The following NAALADL2 variants were observed in gnomAD, a reference collection of about 807,000 sequenced individuals.
The protein encoded by NAALADL2 is N-acetylated alpha-linked acidic dipeptidase like 2.
A neutral mutation model predicts 87.2 loss-of-function variants in NAALADL2; 76 were observed. The observed-to-expected ratio is 0.87, with a 90% confidence interval of 0.72 to 1.05. NAALADL2 has a LOEUF of 1.05. Ranked by LOEUF, NAALADL2 falls within the 50% of genes least tolerant of loss-of-function variation. The pLI, the probability that NAALADL2 is intolerant of heterozygous loss-of-function variation, is 0.00. For synonymous variants in NAALADL2, 354 were observed against 331.0 expected (o/e 1.07, Z -0.75); for missense variants, 1,089 against 945.8 (o/e 1.15, Z -1.99).
intron 10 of NAALADL2, among the ~76,000 whole-genome samples, chr3:175,603,994 A>G (rs1723317727): frequency 1.3e-5 from 2 of 152,278 alleles, no homozygotes; most frequent in Admixed American, 6.5e-5. Flanking sequence ...TCCTGAAAGA[A>G]AAACAACAAC....
intron 1 of NAALADL2, among the ~76,000 whole-genome samples, chr3:174,878,582 G>A (rs1227197299): frequency 6.6e-6 from 1 of 151,976 alleles, no homozygotes; most frequent in Admixed American, 6.6e-5. Flanking sequence ...TATGATTGTT[G>A]TTTAATCCAT....
At chr3:174,701,038 C>G (rs1729501599) in intron 2 of NAALADL2, among the ~76,000 whole-genome samples, 1 of 151,990 alleles carries the variant, frequency 6.6e-6, no homozygotes, top group Non-Finnish European at 1.5e-5. Context: ...AGGGAGATTT[C>G]AAAACCTTAG....
intron 1 of NAALADL2, among the ~76,000 whole-genome samples, chr3:174,930,621 T>TG (rs1174245430): frequency 7.5e-5 from 9 of 120,786 alleles, no homozygotes; most frequent in Non-Finnish European, 1.5e-4. Flanking sequence ...GAACTTTTTT[T>TG]TTTTTTTTTT....
chr3:174,822,763 T>C (rs116374930), intron 3 of NAALADL2, among the ~76,000 whole-genome samples: 15,143 of 152,186 alleles, frequency 0.1, 835 homozygotes, highest in Middle Eastern at 0.13. Context: ...TCAACCAGAA[T>C]GCAACTATGG....
intron 1 of NAALADL2, among the ~76,000 whole-genome samples, chr3:174,962,438 T>TATATG (rs1440601115): frequency 7.6e-6 from 1 of 131,384 alleles, no homozygotes; most frequent in Non-Finnish European, 1.6e-5. Flanking sequence ...TATATGTATA[T>TATATG]TTTTAAGTCT....
chr3:175,112,176 T>C lies in NAALADL2; in HGVS notation c.545+14885T>C, dbSNP rs565983266. Among the ~76,000 whole-genome samples, 18 of 151,742 alleles carry C rather than the reference T, an allele frequency of 1.2e-4. No individual in the cohort carries two copies. The South Asian group carries it at 3.3e-3, about 28-fold the overall frequency. On this transcript the variant is annotated intron_variant, in intron 2 of 13. Transcript: ENST00000454872. ...GCCATTCTCCATTGGTGATTCCTCA[T>C]TGACCACCATCCTTAGTAGATGTGC... is the stretch of plus-strand genomic sequence containing the variant.
chr3:175,356,512 C>A (rs6768362), intron 5 of NAALADL2, among the ~76,000 whole-genome samples: 80,309 of 150,400 alleles, frequency 0.53, 22,492 homozygotes, highest in East Asian at 0.67. Flanking sequence ...GAGGTTGAGG[C>A]TACACTGAGC....
At chr3:174,695,428 T>C (rs1167295025) in intron 2 of NAALADL2, among the ~76,000 whole-genome samples, 1 of 151,982 alleles carries the variant, frequency 6.6e-6, no homozygotes, top group Admixed American at 6.6e-5. Context: ...ATTTTTGATA[T>C]AACCAGTAAC....
At chr3:174,742,520 T>C (rs1733859339) in intron 3 of NAALADL2, among the ~76,000 whole-genome samples, 1 of 151,630 alleles carries the variant, frequency 6.6e-6, no homozygotes, top group Non-Finnish European at 1.5e-5. Context: ...ATATAATAAA[T>C]AATCATATGC....
At chr3:175,561,641 C>A (rs890107351) in intron 9 of NAALADL2, among the ~76,000 whole-genome samples, 4 of 152,050 alleles carry the variant, frequency 2.6e-5, no homozygotes, top group Non-Finnish European at 5.9e-5. Flanking sequence ...TAGAATTGGT[C>A]CATTATATCC....
chr3:175,513,023 A>G (rs1376796392), intron 9 of NAALADL2, among the ~76,000 whole-genome samples: 1 of 152,186 alleles, frequency 6.6e-6, no homozygotes, highest in Non-Finnish European at 1.5e-5. Context: ...TAAAATATAC[A>G]TGCAGTTATT....
chr3:175,372,173 G>T (rs770513827), intron 5 of NAALADL2, among the ~76,000 whole-genome samples: 4 of 152,166 alleles, frequency 2.6e-5, no homozygotes, highest in Non-Finnish European at 5.9e-5. Context: ...TTACTGAACT[G>T]CTAGTACAGG....
intron 2 of NAALADL2, among the ~76,000 whole-genome samples, chr3:174,665,448 G>A (rs903257759): frequency 6.6e-6 from 1 of 152,070 alleles, no homozygotes; most frequent in South Asian, 2.1e-4. Flanking sequence ...ATTATTTGTA[G>A]TGCTGTTATC....
chr3:175,209,818 A>G (rs1431426721), intron 2 of NAALADL2, among the ~76,000 whole-genome samples: 2 of 151,808 alleles, frequency 1.3e-5, no homozygotes, highest in Non-Finnish European at 2.9e-5. Flanking sequence ...AATATCATCA[A>G]TGTGAAGAGC....
chr3:175,381,858 G>A (rs1363327078), intron 5 of NAALADL2, among the ~76,000 whole-genome samples: 1 of 152,164 alleles, frequency 6.6e-6, no homozygotes, highest in African/African-American at 2.4e-5. Flanking sequence ...GCCATAGGTA[G>A]TGGCAGCAGC....
chr3:175,556,807 C>T (rs1399252621), intron 9 of NAALADL2, among the ~76,000 whole-genome samples: 1 of 152,052 alleles, frequency 6.6e-6, no homozygotes, highest in African/African-American at 2.4e-5. Context: ...TCTCTTATCC[C>T]TTATTTATTG....
chr3:174,580,528 C>T (rs1716049734), intron 2 of NAALADL2, among the ~76,000 whole-genome samples: 1 of 152,004 alleles, frequency 6.6e-6, no homozygotes, highest in Non-Finnish European at 1.5e-5. Flanking sequence ...ATGTTCATAA[C>T]TCCTTTTAAT....
At chr3:174,787,620 T>TATAC (rs1489900205) in intron 3 of NAALADL2, among the ~76,000 whole-genome samples, 18 of 117,442 alleles carry the variant, frequency 1.5e-4, no homozygotes, top group East Asian at 5.1e-4. Flanking sequence ...TATATATATA[T>TATAC]AGTAGTGACT....
intron 1 of NAALADL2, among the ~76,000 whole-genome samples, chr3:175,006,386 T>A (rs1024233768): frequency 6.6e-6 from 1 of 152,194 alleles, no homozygotes; most frequent in African/African-American, 2.4e-5. Context: ...TGTCTTACCA[T>A]ACCCAGAACT....
Sources: allele counts gnomAD v4.1 joint callset (sites outside exome capture counted in the v4.1 genomes callset), GRCh38; gene constraint gnomAD v4.1.1; transcripts MANE v1.5; gene names NCBI Gene and HGNC (gene_info 2026-07-23, HGNC 2026-07-21).